SLC12A2: variants seen among roughly 807,000 people sequenced by gnomAD.
SLC12A2 encodes Na-K-2Cl cotransporter 1.
Under a neutral mutation model 136.3 loss-of-function variants are expected in SLC12A2, and 67 were observed. The ratio of observed to expected loss-of-function variants is 0.49; its 90% CI spans 0.40 to 0.60. The LOEUF is 0.60. Among genes scored for constraint, SLC12A2 ranks in the 20% least tolerant of loss-of-function variants. SLC12A2 has a pLI of 0.00. For missense variants in SLC12A2, 1,322 were observed against 1,534.7 expected (o/e 0.86, Z 2.32); for synonymous variants, 619 against 562.9 (o/e 1.10, Z -1.41).
chr5:128,094,923 A>C (rs1760467728), intron 1 of SLC12A2, among the ~76,000 whole-genome samples: 1 of 152,166 alleles, frequency 6.6e-6, no homozygotes, highest in Non-Finnish European at 1.5e-5. Flanking sequence ...AGTTGTTATC[A>C]TTGGACAATT....
chr5:128,138,600 A>C lies in SLC12A2; in HGVS notation c.1412A>C (p.Glu471Ala), dbSNP rs1379589279. The C allele has an allele frequency of 1.2e-6, 2 of 1,606,756 alleles. No individual in the cohort carries two copies. Among genetic ancestry groups the C allele is most frequent in the Non-Finnish European group, 1.7e-6 (2 of 1,178,236 alleles). ...KPKGFFGYKS[E>A]IFNENFGPDF... ...AAGAATATTTTGTTCTCTGCAGCTG[A>C]AATATTTAATGAGAACTTTGGGCCC... The change falls in exon 8 of 27, where the codon GAA becomes GCA. Residue 471 changes from glutamate (E) to alanine (A), a missense_variant. By Grantham distance (107) the Glu-to-Ala change is moderately radical (BLOSUM62 -1). This residue lies in a region of SLC12A2 where 110 missense variants were observed against 114.5 expected (regional missense o/e 0.96). Coordinates refer to ENST00000262461, the MANE Select transcript of SLC12A2 (RefSeq NM_001046.3).
At chr5:128,106,215 A>G (rs1385236813) in intron 1 of SLC12A2, among the ~76,000 whole-genome samples, 2 of 152,204 alleles carry the variant, frequency 1.3e-5, no homozygotes, top group East Asian at 1.9e-4. Context: ...CTTTTTATCC[A>G]TTAGTGTGGA....
intron 4 of SLC12A2, among the ~76,000 whole-genome samples, chr5:128,120,386 G>T (rs1761513180): frequency 6.6e-6 from 1 of 150,418 alleles, no homozygotes; most frequent in Non-Finnish European, 1.5e-5. Context: ...TATAAATCAT[G>T]CTGCTATAAA....
chr5:128,115,409 G>A (rs902223110), intron 4 of SLC12A2, among the ~76,000 whole-genome samples: 1 of 152,116 alleles, frequency 6.6e-6, no homozygotes, highest in Non-Finnish European at 1.5e-5. Context: ...ACAGGTGTGA[G>A]CCACCGCACC....
Position 128,146,055 on chromosome 5 carries a change from A to C in SLC12A2, c.1774-1567A>C, listed in dbSNP as rs116616289. 7.4e-3 allele frequency among the ~76,000 whole-genome samples: 1,127 copies of C among 152,042 alleles called. 19 individuals are homozygous for C. Among genetic ancestry groups the C allele is most frequent in the African/African-American group, 0.025 (1,057 of 41,536 alleles). On this transcript the variant is annotated intron_variant, in intron 10 of 26. Coordinates refer to ENST00000262461, the MANE Select transcript of SLC12A2 (RefSeq NM_001046.3). ...AAGTTTCACAGATTCAGAAGTACAC[A>C]GTGAATACCTGTGTACTTATCCTTC...
intron 4 of SLC12A2, among the ~76,000 whole-genome samples, chr5:128,125,041 T>C (rs1761734232): frequency 6.6e-6 from 1 of 152,218 alleles, no homozygotes; most frequent in Non-Finnish European, 1.5e-5. Flanking sequence ...ATATTTCTTC[T>C]TACATCACAA....
At chr5:128,178,776 AC>A in intron 22 of SLC12A2, 87 bp downstream of exon 22, 1 of 1,019,896 alleles carries the variant, frequency 9.8e-7, no homozygotes, top group Non-Finnish European at 1.3e-6. Context: ...TTACCTGTGG[AC>A]CCCATTCAAA....
chr5:128,133,177 T>C (rs1336253128), intron 5 of SLC12A2, among the ~76,000 whole-genome samples: 1 of 152,090 alleles, frequency 6.6e-6, no homozygotes, highest in Non-Finnish European at 1.5e-5. Flanking sequence ...ACTAAAAAAT[T>C]TTTTTGCAAA....
rs1581102778 is a variant in SLC12A2, at chr5:128,138,856, C to T, written c.1569C>T (p.Leu523=). The T allele has an allele frequency of 1.2e-6, 2 of 1,613,398 alleles. No individual in the cohort carries two copies. Among genetic ancestry groups the T allele is most frequent in the South Asian group, 1.1e-5 (1 of 90,962 alleles). ...DPQSAIPKGT[L]LAILITTLVY... is the part of the protein sequence containing the mutation. ...AGTCAGCCATACCCAAAGGAACACTCCTAGCCATTTTAATTACTACATTGG... is the reference window on the plus strand; with the variant it reads ...AGTCAGCCATACCCAAAGGAACACTTCTAGCCATTTTAATTACTACATTGG... Residue 523 remains leucine (L), a synonymous_variant, in exon 9 of 27, where the codon CTC becomes CTT. Transcript: ENST00000262461.
Position 128,114,047 on chromosome 5 carries a change from CT to C in SLC12A2, c.877-162del, listed in dbSNP as rs559945708. On this transcript the variant is annotated intron_variant, in intron 2 of 26. Coordinates refer to ENST00000262461, the MANE Select transcript of SLC12A2 (RefSeq NM_001046.3). ...GCTCAAAAGTAAGCTCTTTTAAGCT[CT>C]TTATAAAAACTGTTAAAGAAAAGGG... Among the ~76,000 whole-genome samples the C allele has an allele frequency of 1.3e-4, 20 of 152,166 alleles. No homozygotes were observed. In the South Asian group the frequency reaches 3.3e-3, roughly 25 times the overall value.
At position 128,186,640 on chromosome 5, in the gene SLC12A2, T is replaced by A; in HGVS notation, c.*9T>A. On this transcript the variant is annotated 3_prime_UTR_variant, in exon 27 of 27. Coordinates refer to ENST00000262461, the MANE Select transcript of SLC12A2 (RefSeq NM_001046.3). ...TTACCTTCTATTCATAAATGTTCTATACAGTGGACAGCCCTCCAGAATGGT... is the reference window on the plus strand; with the variant it reads ...TTACCTTCTATTCATAAATGTTCTAAACAGTGGACAGCCCTCCAGAATGGT... 6.2e-7 allele frequency: 1 copy of A among 1,613,704 alleles called. No homozygotes were observed. The highest frequency in any genetic ancestry group is 8.5e-7 in the Non-Finnish European group (1 of 1,179,716).
In SLC12A2 at chr5:128,114,230, A is replaced by G. The variant is rs1450808440; in HGVS notation, c.895A>G (p.Ile299Val). 1 of 1,613,292 alleles carries G rather than the reference A, an allele frequency of 6.2e-7. No individual in the cohort carries two copies. Among genetic ancestry groups the G allele is most frequent in the South Asian group, 1.1e-5 (1 of 91,044 alleles). The change falls in exon 3 of 27, where the codon ATT (isoleucine) becomes GTT (valine). Residue 299 changes from isoleucine to valine, a missense_variant. This residue lies in a region of SLC12A2 where 71 missense variants were observed against 131.0 expected (regional missense o/e 0.54). Coordinates refer to ENST00000262461, the MANE Select transcript of SLC12A2 (RefSeq NM_001046.3). ...TCTTTAGGTACGTTGTATGTTAAAC[A>G]TTTGGGGTGTGATGCTTTTCATTAG... The part of the protein sequence containing the change: ...KGVLVRCMLN[I>V]WGVMLFIRLS...
At chr5:128,091,105 CT>C (rs1278585624) in intron 1 of SLC12A2, among the ~76,000 whole-genome samples, 3 of 152,146 alleles carry the variant, frequency 2.0e-5, no homozygotes, top group Admixed American at 2.0e-4. Flanking sequence ...ATGATAATGA[CT>C]TTTACTAAGG....
intron 1 of SLC12A2, among the ~76,000 whole-genome samples, chr5:128,102,247 A>T (rs1760763010): frequency 6.6e-6 from 1 of 152,162 alleles, no homozygotes; most frequent in Non-Finnish European, 1.5e-5. Context: ...ATAAAATACA[A>T]ATGTATAACG....
chr5:128,084,264 G>T lies in SLC12A2; in HGVS notation c.310G>T (p.Ala104Ser). 1 of 1,287,832 alleles carries T rather than the reference G, an allele frequency of 7.8e-7. No individual in the cohort carries two copies. The highest frequency in any genetic ancestry group is 3.0e-5 in the South Asian group (1 of 33,364). 79.8% of individuals were successfully genotyped at this position (1,287,832 alleles called of 1,614,324 possible). ...AAAAAAAAAA[A>S]AAAGAGAGAK... ...TGCGGCGGCGGCGGCGGCGGCGGCAGCGGCGGCGGCTGGTGCTGGGGCGGG... is the reference window on the plus strand; with the variant it reads ...TGCGGCGGCGGCGGCGGCGGCGGCATCGGCGGCGGCTGGTGCTGGGGCGGG... The change falls in exon 1 of 27, where the codon GCG becomes TCG. Residue 104 changes from alanine (A) to serine (S), a missense_variant. By Grantham distance (99) the Ala-to-Ser change is moderately conservative. Transcript: ENST00000262461. This position sits in a 1 kb window ranked among gnomAD's most constrained non-coding sequence, Gnocchi z 5.6.
At chr5:128,128,830 A>G (rs1384356626) in intron 4 of SLC12A2, among the ~76,000 whole-genome samples, 2 of 151,866 alleles carry the variant, frequency 1.3e-5, no homozygotes, top group Non-Finnish European at 2.9e-5. Context: ...ACCTCTAGGA[A>G]ATAGGAATGG....
At chr5:128,186,385 G>GTAATTTA (rs1393011085) in intron 26 of SLC12A2, 111 bp from the exon 27 acceptor site, 1 of 1,024,094 alleles carries the variant, frequency 9.8e-7, no homozygotes, top group Non-Finnish European at 1.4e-6. Context: ...TGTAATTATA[G>GTAATTTA]TAATTTACAG....
chr5:128,165,111 G>T (rs1763160671), intron 17 of SLC12A2, among the ~76,000 whole-genome samples: 1 of 151,874 alleles, frequency 6.6e-6, no homozygotes. Context: ...CAAAGTGCTG[G>T]GATTATCGGC....
At chr5:128,119,582 TC>T (rs1761479202) in intron 4 of SLC12A2, among the ~76,000 whole-genome samples, 4 of 152,196 alleles carry the variant, frequency 2.6e-5, no homozygotes, top group Non-Finnish European at 5.9e-5. Context: ...TTGATCTATA[TC>T]TCTGTTTTGG....
Sources: gnomAD v4.1 joint callset for allele counts (sites outside exome capture counted in the v4.1 genomes callset) on GRCh38, gnomAD v4.1.1 for gene constraint, gnomAD v4.1.1 regional missense constraint, Gnocchi (gnomAD v3.1) non-coding constraint, MANE v1.5 for transcripts, NCBI Gene and HGNC (gene_info 2026-07-23, HGNC 2026-07-21) for gene names.